LNPEP: variants seen among roughly 807,000 people sequenced by gnomAD.
LNPEP encodes leucyl-cystinyl aminopeptidase.
In LNPEP, 64 loss-of-function variants were observed where a neutral mutation model predicts 120.6. The ratio of observed to expected loss-of-function variants is 0.53; its 90% CI spans 0.43 to 0.65. LNPEP has a LOEUF of 0.65. Ranked by LOEUF, LNPEP falls within the 30% of genes least tolerant of loss-of-function variation. The pLI, the probability that LNPEP is intolerant of heterozygous loss-of-function variation, is 0.00. For synonymous variants in LNPEP, 435 were observed against 425.4 expected (o/e 1.02, Z -0.28); for missense variants, 1,057 against 1,200.0 (o/e 0.88, Z 1.76).
At position 96,977,898 on chromosome 5, in the gene LNPEP, A is replaced by T. The variant is rs77800229; in HGVS notation, c.20-1240A>T. ...GAGTAGAGGGATGCAATATAATGAA[A>T]AGAGCATAAACTTTTGAATCAAATT... On this transcript the variant is annotated intron_variant, in intron 1 of 17. Transcript: ENST00000231368. Among the ~76,000 whole-genome samples the T allele has an allele frequency of 9.1e-3, 1,393 of 152,272 alleles. 30 individuals are homozygous for T. The highest frequency in any genetic ancestry group is 0.067 in the East Asian group (347 of 5,180).
At chr5:96,945,405 CAAAAAA>C (rs751074987) in intron 1 of LNPEP, among the ~76,000 whole-genome samples, 5,501 of 65,284 alleles carry the variant, frequency 0.084, 176 homozygotes, top group Middle Eastern at 0.23. Flanking sequence ...GACCCTATCT[CAAAAAA>C]AAAAAAAAAA....
chr5:96,976,048 G>T (rs1451711100), intron 1 of LNPEP, among the ~76,000 whole-genome samples: 1 of 152,042 alleles, frequency 6.6e-6, no homozygotes, highest in Admixed American at 6.6e-5. Flanking sequence ...TCTTTCAGTA[G>T]GAATAAATCC....
chr5:96,998,016 TGAA>T lies in LNPEP; in HGVS notation c.1527_1529del (p.Glu509del), dbSNP rs747354547. On this transcript the variant is annotated inframe_deletion, in exon 8 of 18. Transcript: ENST00000231368. The stretch of plus-strand genomic sequence containing the variant: ...CTAATCTTTTCATTTTTTGACAGTA[TGAA>T]GATTTCTTAGATGCTCGATTTAAAA... 1.3e-6 allele frequency: 2 copies of T among 1,558,434 alleles called. No individual in the cohort carries two copies. The highest frequency in any genetic ancestry group is 3.7e-5 in the Admixed American group (2 of 54,078).
rs959530399 is a variant in LNPEP, at chr5:97,025,630, G to A, written c.2723+948G>A. Among the ~76,000 whole-genome samples, 13 of 152,106 alleles carry A rather than the reference G, an allele frequency of 8.5e-5. No individual in the cohort carries two copies. The South Asian group carries it at 2.1e-3, about 24-fold the overall frequency. ...AACAACAGTGTCAGTCCTGGTCTTT[G>A]TATTCATCTGTGGGAATGGATATTT... On this transcript the variant is annotated intron_variant, in intron 15 of 17. Coordinates refer to ENST00000231368, the MANE Select transcript of LNPEP (RefSeq NM_005575.3).
At chr5:97,012,336 A>G (rs1204536239) in intron 11 of LNPEP, among the ~76,000 whole-genome samples, 5 of 152,148 alleles carry the variant, frequency 3.3e-5, no homozygotes, top group South Asian at 2.1e-4. Flanking sequence ...CTGAGTTTAG[A>G]TTATTCTTAT....
intron 1 of LNPEP, among the ~76,000 whole-genome samples, chr5:96,966,584 G>A (rs1427365819): frequency 6.7e-6 from 1 of 148,844 alleles, no homozygotes; most frequent in Non-Finnish European, 1.5e-5. Flanking sequence ...TACCAGTGAT[G>A]GAGTCCTGGC....
intron 12 of LNPEP, 42 bp from the exon 13 acceptor site, chr5:97,014,897 G>A (rs376137328): frequency 1.0e-4 from 145 of 1,382,720 alleles, no homozygotes; most frequent in Middle Eastern, 9.6e-4. Context: ...CTTCTTCTGT[G>A]TGTCTCTGCA....
chr5:96,936,228 G>C (rs995750354), intron 1 of LNPEP, 54 bp downstream of exon 1: 1 of 1,355,388 alleles, frequency 7.4e-7, no homozygotes, highest in African/African-American at 1.5e-5. Flanking sequence ...CCTGAGGGTC[G>C]TGGGCAGTCG....
At chr5:97,027,513 G>A (rs1386961595) in intron 16 of LNPEP, among the ~76,000 whole-genome samples, 4 of 152,024 alleles carry the variant, frequency 2.6e-5, no homozygotes, top group Non-Finnish European at 2.9e-5. Flanking sequence ...AATGTTAAGC[G>A]GATTAATTGT....
intron 8 of LNPEP, 31 bp from the exon 9 acceptor site, chr5:97,003,382 TTC>T (rs781632810): frequency 1.6e-6 from 2 of 1,242,724 alleles, no homozygotes. Flanking sequence ...TTCTATTATT[TTC>T]TTTCTTTTTC....
chr5:96,994,759 G>C (rs1304250855), intron 6 of LNPEP, among the ~76,000 whole-genome samples: 1 of 152,098 alleles, frequency 6.6e-6, no homozygotes. Context: ...TATGAATCTA[G>C]CCTTTGTGAA....
chr5:96,984,195 A>G (rs1014976578), intron 2 of LNPEP, among the ~76,000 whole-genome samples: 4 of 152,244 alleles, frequency 2.6e-5, no homozygotes, highest in African/African-American at 9.6e-5. Context: ...AACCAGTTAT[A>G]TAGGGAGAAG....
At chr5:97,022,267 A>G in intron 13 of LNPEP, 33 bp from the exon 14 acceptor site, 1 of 1,285,560 alleles carries the variant, frequency 7.8e-7, no homozygotes. Flanking sequence ...CCTAATTATT[A>G]TGAAGCCATT....
chr5:97,027,373 A>T (rs1233608703), intron 16 of LNPEP, among the ~76,000 whole-genome samples: 2 of 151,562 alleles, frequency 1.3e-5, no homozygotes, highest in Non-Finnish European at 2.9e-5. Flanking sequence ...AACAAAAAGG[A>T]AAATACCTCT....
At position 97,031,999 on chromosome 5, in the gene LNPEP, C is replaced by G. The variant is rs558876836; in HGVS notation, c.*3466C>G. On this transcript the variant is annotated 3_prime_UTR_variant, in exon 18 of 18. Transcript: ENST00000231368. ...AAACCAAAGTACCTGGAACCATAAT[C>G]TGCCATCAGATTGCTAAACATTCAC... 1.3e-5 allele frequency: 2 copies of G among 152,180 alleles called. No homozygotes were observed. The highest frequency in any genetic ancestry group is 2.9e-5 in the Non-Finnish European group (2 of 68,042). The allele number at this position is 152,180 out of a possible 1,614,324, so 9.4% of individuals were successfully genotyped here. A position where few individuals can be genotyped will look rare whatever the true frequency, so the allele number is the denominator to read the frequency against.
chr5:96,943,614 G>C (rs529268950), intron 1 of LNPEP, among the ~76,000 whole-genome samples: 28 of 152,262 alleles, frequency 1.8e-4, no homozygotes, highest in Non-Finnish European at 3.4e-4. Context: ...TTATAGCCTG[G>C]CTTTGCTTCA....
intron 9 of LNPEP, among the ~76,000 whole-genome samples, chr5:97,004,566 G>A (rs1239945811): frequency 6.6e-6 from 1 of 151,010 alleles, no homozygotes; most frequent in Non-Finnish European, 1.5e-5. Flanking sequence ...TTTGATGAAA[G>A]TTCTGGCCAT....
At chr5:96,999,324 A>G (rs1489384645) in intron 8 of LNPEP, among the ~76,000 whole-genome samples, 1 of 152,236 alleles carries the variant, frequency 6.6e-6, no homozygotes, top group East Asian at 1.9e-4. Context: ...AAAGAAAACA[A>G]TGGGTATAAA....
rs1219559932 is a variant in LNPEP at position 97,035,097 on chromosome 5, T to G, written c.*6564T>G. The G allele has an allele frequency of 6.6e-6, 1 of 152,162 alleles. No individual in the cohort carries two copies. Among genetic ancestry groups the G allele is most frequent in the Admixed American group, 6.6e-5 (1 of 15,258 alleles). The allele number at this position is 152,162 out of a possible 1,614,324, so 9.4% of individuals were successfully genotyped here. ...AGGTCCAGACGTATGATAACTCTCC[T>G]GTTTCCCTTCCCTCATTGCCTACAG... On this transcript the variant is annotated 3_prime_UTR_variant, in exon 18 of 18. Coordinates refer to ENST00000231368, the MANE Select transcript of LNPEP (RefSeq NM_005575.3).
Sources: allele counts gnomAD v4.1 joint callset (sites outside exome capture counted in the v4.1 genomes callset), GRCh38; gene constraint gnomAD v4.1.1; transcripts MANE v1.5; gene names NCBI Gene and HGNC (gene_info 2026-07-23, HGNC 2026-07-21).